Variants in SH3GL1 observed in about 807,000 individuals in gnomAD.
SH3GL1 encodes the protein endophilin-A2.
In SH3GL1, 21 loss-of-function variants were observed where a neutral mutation model predicts 48.8. The observed-to-expected ratio is 0.43, with a 90% CI of 0.30 to 0.62. SH3GL1 has a LOEUF of 0.62. Ranked by LOEUF, SH3GL1 falls within the 20% of genes least tolerant of loss-of-function variation. SH3GL1 has a pLI of 0.11. For missense variants in SH3GL1, 454 were observed against 503.0 expected (o/e 0.90, Z 0.93); for synonymous variants, 282 against 217.5 (o/e 1.30, Z -2.61).
At chr19:4,362,524 G>T in intron 8 of SH3GL1, 88 bp downstream of exon 8, 1 of 1,593,516 alleles carries the variant, frequency 6.3e-7, no homozygotes. Flanking sequence ...CCAGGAGTCT[G>T]GCGCTCAGAG....
intron 1 of SH3GL1, among the ~76,000 whole-genome samples, chr19:4,384,788 T>C (rs1973204856): frequency 6.6e-6 from 1 of 152,110 alleles, no homozygotes; most frequent in Non-Finnish European, 1.5e-5. Context: ...GTGTGAACGG[T>C]ACTCACAAGC....
rs746167461 is a variant in SH3GL1, at chr19:4,361,791, G to A, written c.916C>T (p.Leu306=). ...IRTPSRSMPP[L]DQPSCKALYD... ...AGCGCCTTGCAGCTCGGCTGGTCCAGGGGCGCTGGGGGCGGGAGCGGGCTG... is the reference window on the plus strand; with the variant it reads ...AGCGCCTTGCAGCTCGGCTGGTCCAAGGGCGCTGGGGGCGGGAGCGGGCTG... Residue 306 remains leucine (L), a synonymous_variant, in exon 10 of 10, where the codon CTG becomes TTG. Transcript: ENST00000269886. 4 of 1,605,388 alleles carry A rather than the reference G, an allele frequency of 2.5e-6. No homozygotes were observed. The Admixed American group carries it at 5.0e-5, about 20-fold the overall frequency.
chr19:4,389,676 G>A lies in SH3GL1; in HGVS notation c.45+10648C>T, dbSNP rs1482275205. On this transcript the variant is annotated intron_variant, in intron 1 of 9. Coordinates refer to ENST00000269886, the MANE Select transcript of SH3GL1 (RefSeq NM_003025.4). The surrounding 1 kb of genome is among the most constrained non-coding windows in gnomAD (Gnocchi z 4.5). ...TCGACACGAGGCCATCCGCTGTAGG[G>A]TGGGGGCCACGGTGGCCCATCCGTC... Among the ~76,000 whole-genome samples, 3 of 152,200 alleles carry A rather than the reference G, an allele frequency of 2.0e-5. No individual in the cohort carries two copies. The highest frequency in any genetic ancestry group is 1.3e-4 in the Admixed American group (2 of 15,282).
Position 4,369,338 on chromosome 19 carries a change from T to A in SH3GL1, c.46-2344A>T, listed in dbSNP as rs562389176. 5.3e-5 allele frequency among the ~76,000 whole-genome samples: 8 copies of A among 152,262 alleles called. No homozygotes were observed. In the East Asian group the frequency reaches 9.7e-4, roughly 18 times the overall value. The stretch of plus-strand genomic sequence containing the variant: ...AGCCAGCGGCTGCCGGAGAGGGAAA[T>A]GAGTGGCTGATGTGAGACTGGACTC... On this transcript the variant is annotated intron_variant, in intron 1 of 9. Transcript: ENST00000269886.
chr19:4,394,037 A>T (rs1973383945), intron 1 of SH3GL1, among the ~76,000 whole-genome samples: 1 of 146,212 alleles, frequency 6.8e-6, no homozygotes, highest in Non-Finnish European at 1.5e-5. Context: ...TTTCAAAGCT[A>T]TGGGAGGTGA....
chr19:4,394,276 C>T (rs1973387884), intron 1 of SH3GL1, among the ~76,000 whole-genome samples: 1 of 152,136 alleles, frequency 6.6e-6, no homozygotes, highest in Non-Finnish European at 1.5e-5. Context: ...AAACCCCCAG[C>T]ACACCAAGGG....
chr19:4,390,745 C>G (rs777130598), intron 1 of SH3GL1: 1 of 152,124 alleles, frequency 6.6e-6, no homozygotes, highest in Non-Finnish European at 1.5e-5. Flanking sequence ...ACACCTACCC[C>G]ACCCCCACCC....
At chr19:4,393,754 C>T (rs1973378568) in intron 1 of SH3GL1, among the ~76,000 whole-genome samples, 1 of 152,084 alleles carries the variant, frequency 6.6e-6, no homozygotes, top group East Asian at 1.9e-4. Context: ...CGCGCCACTG[C>T]ACTCCAGCCT....
Position 4,369,967 on chromosome 19 carries a change from C to G in SH3GL1, c.46-2973G>C, listed in dbSNP as rs552269038. On this transcript the variant is annotated intron_variant, in intron 1 of 9. Transcript: ENST00000269886. ...AAGGCAGCCGGGCCACGTGCAGCGC[C>G]GGCCGCAAGCGCGGAAACCAAGCGT... Among the ~76,000 whole-genome samples the G allele has an allele frequency of 2.6e-5, 4 of 152,388 alleles. No individual in the cohort carries two copies. The East Asian group carries it at 7.7e-4, about 29-fold the overall frequency.
chr19:4,361,254 C>T lies in SH3GL1; in HGVS notation c.*346G>A. The T allele has an allele frequency of 5.4e-6, 2 of 367,748 alleles. No individual in the cohort carries two copies. The highest frequency in any genetic ancestry group is 1.0e-5 in the Non-Finnish European group (2 of 199,510). The allele number at this position is 367,748 out of a possible 1,614,324, so 22.8% of individuals were successfully genotyped here. ...CGGGTCAGGACGGAGGTGGGGGCTG[C>T]CCCAGAGGAACATTAGTGTTTCTAA... On this transcript the variant is annotated 3_prime_UTR_variant, in exon 10 of 10. Transcript: ENST00000269886.
chr19:4,364,635 A>G, intron 4 of SH3GL1: 1 of 199,156 alleles, frequency 5.0e-6, no homozygotes, highest in Non-Finnish European at 1.0e-5. Flanking sequence ...TTCACCATAT[A>G]GACCACACCG....
chr19:4,361,530 G>T lies in SH3GL1; in HGVS notation c.*70C>A. 2.4e-6 allele frequency: 3 copies of T among 1,231,532 alleles called. No homozygotes were observed. Among genetic ancestry groups the T allele is most frequent in the Non-Finnish European group, 3.4e-6 (3 of 876,346 alleles). The allele number at this position is 1,231,532 out of a possible 1,614,324, so 76.3% of individuals were successfully genotyped here. A position where few individuals can be genotyped will look rare whatever the true frequency, so the allele number is the denominator to read the frequency against. On this transcript the variant is annotated 3_prime_UTR_variant, in exon 10 of 10. Transcript: ENST00000269886. Reference sequence around the variant, plus strand: ...ACCGCCCTGGCAGCAGGGGCTCCGTGGAATGCAGGAGACCCAGCAGGGGGT... The same window carrying T: ...ACCGCCCTGGCAGCAGGGGCTCCGTTGAATGCAGGAGACCCAGCAGGGGGT...
chr19:4,366,413 G>A, intron 3 of SH3GL1, 88 bp downstream of exon 3: 1 of 1,043,404 alleles, frequency 9.6e-7, no homozygotes, highest in African/African-American at 1.6e-5. Context: ...CAACCCATGA[G>A]CCTGGCGGTT....
chr19:4,362,309 G>A lies in SH3GL1; in HGVS notation c.910+20C>T, dbSNP rs1480598692. ...CCGAGAAGGCAGCACTGAGGTCGAG[G>A]CGGGCCTGGGAACACTCACGCATGC... On this transcript the variant is annotated intron_variant, in intron 9 of 9. Coordinates refer to ENST00000269886, the MANE Select transcript of SH3GL1 (RefSeq NM_003025.4). 1 of 1,608,454 alleles carries A rather than the reference G, an allele frequency of 6.2e-7. No individual in the cohort carries two copies. The highest frequency in any genetic ancestry group is 8.5e-7 in the Non-Finnish European group (1 of 1,176,974).
intron 1 of SH3GL1, among the ~76,000 whole-genome samples, chr19:4,371,261 CTG>C (rs1972894579): frequency 1.3e-5 from 2 of 152,272 alleles, no homozygotes; most frequent in African/African-American, 4.8e-5. Flanking sequence ...TGTGAAGACA[CTG>C]TGGACTGAGA....
At chr19:4,374,868 T>C (rs953049094) in intron 1 of SH3GL1, among the ~76,000 whole-genome samples, 24 of 152,040 alleles carry the variant, frequency 1.6e-4, no homozygotes, top group Admixed American at 1.6e-3. Flanking sequence ...GGTGGCCGTA[T>C]GGGGCCTAGG....
chr19:4,390,951 A>C (rs902988553), intron 1 of SH3GL1, among the ~76,000 whole-genome samples: 3 of 152,218 alleles, frequency 2.0e-5, no homozygotes, highest in Non-Finnish European at 4.4e-5. Context: ...TCCCCAGATC[A>C]GATCAGTTGC....
chr19:4,373,777 G>A lies in SH3GL1; in HGVS notation c.46-6783C>T, dbSNP rs550229057. Among the ~76,000 whole-genome samples, 4 of 152,230 alleles carry A rather than the reference G, an allele frequency of 2.6e-5. No individual in the cohort carries two copies. The South Asian group carries it at 8.3e-4, about 32-fold the overall frequency. ...CCACAGAGGGCCCCCTGAGAGCCCG[G>A]CTTCCCCACGGCCCCCAGGCTGTGG... is the stretch of plus-strand genomic sequence containing the variant. On this transcript the variant is annotated intron_variant, in intron 1 of 9. Coordinates refer to ENST00000269886, the MANE Select transcript of SH3GL1 (RefSeq NM_003025.4).
At position 4,361,705 on chromosome 19, in the gene SH3GL1, C is replaced by T. The variant is rs779758597; in HGVS notation, c.1002G>A (p.Thr334=). Reference sequence around the variant, plus strand: ...AGTTCTCATCGATCTGGTTGGTCAGCGTGATGACGTCGCCCTCATGGAAGC... The same window carrying T: ...AGTTCTCATCGATCTGGTTGGTCAGTGTGATGACGTCGCCCTCATGGAAGC... ...ELGFHEGDVI[T]LTNQIDENWY... Residue 334 remains threonine (T), a synonymous_variant, in exon 10 of 10, where the codon ACG becomes ACA. Transcript: ENST00000269886. 4.6e-5 allele frequency: 75 copies of T among 1,613,174 alleles called. No individual in the cohort carries two copies. Among genetic ancestry groups the T allele is most frequent in the South Asian group, 3.7e-4 (34 of 91,094 alleles).
Sources: allele counts gnomAD v4.1 joint callset (sites outside exome capture counted in the v4.1 genomes callset), GRCh38; gene constraint gnomAD v4.1.1; non-coding constraint Gnocchi (gnomAD v3.1); transcripts MANE v1.5; gene names NCBI Gene and HGNC (gene_info 2026-07-23, HGNC 2026-07-21).